The following CUBN variants were observed in gnomAD, a reference collection of about 807,000 sequenced individuals.
The protein encoded by CUBN is 460 kDa receptor.
Under a neutral mutation model 405.3 loss-of-function variants are expected in CUBN, and 282 were observed. That is an observed-to-expected ratio of 0.70 (90% CI 0.63 to 0.77). The LOEUF (loss-of-function observed/expected upper bound fraction) is 0.77, where lower values mean the gene tolerates loss of function less well. Ranked by LOEUF, CUBN falls within the 30% of genes least tolerant of loss-of-function variation. The pLI is 0.00. For missense variants in CUBN, 4,514 were observed against 4,475.2 expected, an observed-to-expected ratio of 1.01 and a Z score of -0.25; for synonymous variants, 1,684 against 1,617.0, an observed-to-expected ratio of 1.04 and a Z score of -0.99.
At chr10:16,988,435 G>A (rs886754247) in intron 29 of CUBN, among the ~76,000 whole-genome samples, 5 of 152,136 alleles carry the variant, frequency 3.3e-5, no homozygotes, top group East Asian at 1.9e-4. Context: ...CAGTCCTTCC[G>A]TGAAGACTTT....
At position 17,100,259 on chromosome 10, in the gene CUBN, A is replaced by G. The variant is rs769737958; in HGVS notation, c.1531-20T>C. 13 of 1,470,840 alleles carry G rather than the reference A, an allele frequency of 8.8e-6. No homozygotes were observed. Among genetic ancestry groups the G allele is most frequent in the Admixed American group, 3.3e-5 (2 of 59,798 alleles). The allele number at this position is 1,470,840 out of a possible 1,614,324, so 91.1% of individuals were successfully genotyped here. ...CAGGACCTAAAAATACAAAGGCCACATATATTATCTTTTACTTCCATGTAA... is the reference window on the plus strand; with the variant it reads ...CAGGACCTAAAAATACAAAGGCCACGTATATTATCTTTTACTTCCATGTAA... On this transcript the variant is annotated intron_variant, in intron 13 of 66. Transcript: ENST00000377833.
intron 56 of CUBN, among the ~76,000 whole-genome samples, chr10:16,883,399 A>G (rs1840719136): frequency 6.6e-6 from 1 of 152,210 alleles, no homozygotes; most frequent in Non-Finnish European, 1.5e-5. Context: ...AATAGGAAAC[A>G]TTTCAAAAGG....
intron 63 of CUBN, 30 bp from the exon 64 acceptor site, chr10:16,835,225 A>C (rs117311278): frequency 6.5e-7 from 1 of 1,540,364 alleles, no homozygotes; most frequent in Non-Finnish European, 9.0e-7. Flanking sequence ...TAATTAATGT[A>C]CGCATTCCAA....
chr10:16,869,711 T>C lies in CUBN; in HGVS notation c.9379A>G (p.Ser3127Gly). 3 of 1,614,056 alleles carry C rather than the reference T, an allele frequency of 1.9e-6. No individual in the cohort carries two copies. Among genetic ancestry groups the C allele is most frequent in the East Asian group, 2.2e-5 (1 of 44,884 alleles). ...RPPNVKSSNN[S>G]MLLVFKTDSF... ...TCTGTCTTGAACACCAGGAGCATAC[T>C]ATTATTGCTGCTCTTCACATTTGGT... is the stretch of plus-strand genomic sequence containing the variant. Residue 3127 changes from serine to glycine, a missense_variant, in exon 59 of 67, where the codon AGT becomes GGT. By Grantham distance (56) the Ser-to-Gly change is moderately conservative (BLOSUM62 0). Coordinates refer to ENST00000377833, the MANE Select transcript of CUBN (RefSeq NM_001081.4).
intron 46 of CUBN, among the ~76,000 whole-genome samples, chr10:16,915,411 G>T (rs549271646): frequency 1.3e-5 from 2 of 152,154 alleles, no homozygotes; most frequent in South Asian, 2.1e-4. Flanking sequence ...AATGAGGAAG[G>T]CTTGCTCATT....
rs1191576101 is a variant in CUBN, at chr10:17,088,414, C to T, written c.1766-69G>A. The stretch of plus-strand genomic sequence containing the variant: ...ATAATTTATGGAGAATGATCAGAGC[C>T]CTTGGCGTAAGAAGCCAAACTTTGT... On this transcript the variant is annotated intron_variant, in intron 14 of 66. Transcript: ENST00000377833. 5 of 1,385,674 alleles carry T rather than the reference C, an allele frequency of 3.6e-6. No individual in the cohort carries two copies. The Admixed American group carries it at 8.8e-5, about 25-fold the overall frequency. 85.8% of individuals were successfully genotyped at this position (1,385,674 alleles called of 1,614,324 possible). A position where few individuals can be genotyped will look rare whatever the true frequency, so the allele number is the denominator to read the frequency against.
chr10:16,946,081 G>A (rs571832230), intron 36 of CUBN, among the ~76,000 whole-genome samples: 5 of 152,264 alleles, frequency 3.3e-5, no homozygotes, highest in East Asian at 1.9e-4. Context: ...TCAACCATAA[G>A]TTACTTATAT....
intron 31 of CUBN, among the ~76,000 whole-genome samples, chr10:16,970,437 A>G (rs1843518680): frequency 6.6e-6 from 1 of 152,168 alleles, no homozygotes. Flanking sequence ...TTAGCCGGGC[A>G]TGGTGGCACA....
rs182278265 is a variant in CUBN, at chr10:16,824,555, G to C, written c.*420C>G. 2 of 162,146 alleles carry C rather than the reference G, an allele frequency of 1.2e-5. No homozygotes were observed. The highest frequency in any genetic ancestry group is 4.9e-5 in the African/African-American group (2 of 40,906). 10.0% of individuals were successfully genotyped at this position (162,146 alleles called of 1,614,324 possible). Reference sequence around the variant, plus strand: ...TTTTTTTTTGAGATGGAGTCTTGCCGTCTCGCCCAGGCTGGAGTGTAGTGG... The same window carrying C: ...TTTTTTTTTGAGATGGAGTCTTGCCCTCTCGCCCAGGCTGGAGTGTAGTGG... On this transcript the variant is annotated 3_prime_UTR_variant, in exon 67 of 67. Transcript: ENST00000377833.
At chr10:17,077,112 A>T (rs1035748537) in intron 17 of CUBN, among the ~76,000 whole-genome samples, 9 of 152,196 alleles carry the variant, frequency 5.9e-5, no homozygotes, top group Admixed American at 5.9e-4. Context: ...CGCATTTGCA[A>T]GGAAACAACA....
intron 45 of CUBN, 127 bp from the exon 46 acceptor site, chr10:16,916,157 G>T: frequency 1.2e-6 from 1 of 808,694 alleles, no homozygotes; most frequent in Non-Finnish European, 2.0e-6. Context: ...AAGTGACTCT[G>T]AATTGAAGTT....
chr10:16,852,314 T>C (rs1371049660), intron 59 of CUBN, among the ~76,000 whole-genome samples: 2 of 139,490 alleles, frequency 1.4e-5, no homozygotes, highest in Non-Finnish European at 3.1e-5. Context: ...CCTCCATCTT[T>C]CCATCCCTCC....
chr10:16,975,303 C>A (rs1400488371), intron 31 of CUBN, among the ~76,000 whole-genome samples: 3 of 152,232 alleles, frequency 2.0e-5, no homozygotes. Flanking sequence ...TCCTGCTGCA[C>A]TTTGTTAAGC....
chr10:16,847,557 C>T (rs1249486784), intron 60 of CUBN, among the ~76,000 whole-genome samples: 2 of 152,104 alleles, frequency 1.3e-5, no homozygotes, highest in African/African-American at 2.4e-5. Flanking sequence ...TGTCAGTCTC[C>T]TACACTTTAC....
chr10:17,114,213 A>G, intron 7 of CUBN, 24 bp from the exon 8 acceptor site: 1 of 1,612,274 alleles, frequency 6.2e-7, no homozygotes. Flanking sequence ...AACAGCGTGA[A>G]TAAAGACAAT....
In CUBN at chr10:17,109,643, G is replaced by A; in HGVS notation, c.1108C>T (p.Leu370=). Reference sequence around the variant, plus strand: ...AAAGAGAGAGATGAGTCATTACCTAGAGTTGAGGAGCATGAGGCATCTGGG... The same window carrying A: ...AAAGAGAGAGATGAGTCATTACCTAAAGTTGAGGAGCATGAGGCATCTGGG... The part of the protein sequence containing the change: ...CHPDASCSST[L]GSLPLCTCLP... Residue 370 remains leucine (L), a synonymous_variant, in exon 10 of 67, where the codon CTA becomes TTA. Coordinates refer to ENST00000377833, the MANE Select transcript of CUBN (RefSeq NM_001081.4). 3 of 1,612,988 alleles carry A rather than the reference G, an allele frequency of 1.9e-6. No individual in the cohort carries two copies. The highest frequency in any genetic ancestry group is 2.5e-6 in the Non-Finnish European group (3 of 1,179,034).
At chr10:16,928,091 G>T in intron 41 of CUBN, 66 bp downstream of exon 41, 1 of 1,550,956 alleles carries the variant, frequency 6.4e-7, no homozygotes, top group Non-Finnish European at 8.9e-7. Context: ...ATTAGGAAGA[G>T]AGAAAGAGAG....
At chr10:16,931,063 T>C (rs1203950560) in intron 40 of CUBN, among the ~76,000 whole-genome samples, 20 of 151,342 alleles carry the variant, frequency 1.3e-4, no homozygotes. Flanking sequence ...AAGACCATCC[T>C]GGTTAACACA....
At chr10:17,091,063 A>T (rs1836246594) in intron 14 of CUBN, among the ~76,000 whole-genome samples, 1 of 152,168 alleles carries the variant, frequency 6.6e-6, no homozygotes, top group South Asian at 2.1e-4. Flanking sequence ...TAGGGAAATC[A>T]GGGTTTTCAG....
Sources: gnomAD v4.1 joint callset for allele counts (sites outside exome capture counted in the v4.1 genomes callset) on GRCh38, gnomAD v4.1.1 for gene constraint, MANE v1.5 for transcripts, NCBI Gene and HGNC (gene_info 2026-07-23, HGNC 2026-07-21) for gene names.